Variants in ADIPOR1 observed in about 807,000 individuals in gnomAD.
The protein encoded by ADIPOR1 is adiponectin receptor protein 1.
ADIPOR1 carries 15 observed loss-of-function variants against 37.5 expected under a neutral mutation model. That is an observed-to-expected ratio of 0.40 (90% CI 0.27 to 0.62). The LOEUF is 0.62. Ranked by LOEUF, ADIPOR1 falls within the 20% of genes least tolerant of loss-of-function variation. ADIPOR1 has a pLI of 0.42. For missense variants in ADIPOR1, 286 were observed against 478.0 expected (o/e 0.60, Z 3.75); for synonymous variants, 173 against 173.2 (o/e 1.00, Z 0.01).
intron 1 of ADIPOR1, among the ~76,000 whole-genome samples, chr1:202,953,043 C>T (rs1189078200): frequency 2.6e-5 from 4 of 152,088 alleles, no homozygotes; most frequent in Non-Finnish European, 5.9e-5. Context: ...GACGAGATGC[C>T]AGCACACAGT....
At chr1:202,946,125 C>G (rs1329685777) in intron 4 of ADIPOR1, among the ~76,000 whole-genome samples, 2 of 152,006 alleles carry the variant, frequency 1.3e-5, no homozygotes, top group Admixed American at 6.6e-5. Flanking sequence ...CAAAAAAGAC[C>G]ATTTTTTGAA....
At chr1:202,947,555 G>C (rs16850797) in intron 3 of ADIPOR1, among the ~76,000 whole-genome samples, 5,651 of 151,868 alleles carry the variant, frequency 0.037, 336 homozygotes, top group East Asian at 0.22. Context: ...ACCTCCTTTA[G>C]GCTACTTGAA....
intron 2 of ADIPOR1, among the ~76,000 whole-genome samples, chr1:202,950,496 G>T (rs772005517): frequency 6.6e-6 from 1 of 152,078 alleles, no homozygotes; most frequent in South Asian, 2.1e-4. Flanking sequence ...CATATTAAGA[G>T]TGATGGGAGA....
intron 4 of ADIPOR1, among the ~76,000 whole-genome samples, chr1:202,945,996 C>A (rs542574233): frequency 4.0e-4 from 55 of 138,502 alleles, no homozygotes; most frequent in Middle Eastern, 7.9e-3. Context: ...AACCCCCCCC[C>A]ACCCCTTTGT....
At chr1:202,948,102 TA>T (rs1370006390) in intron 3 of ADIPOR1, among the ~76,000 whole-genome samples, 1 of 152,240 alleles carries the variant, frequency 6.6e-6, no homozygotes, top group Non-Finnish European at 1.5e-5. Flanking sequence ...GTTTTAAGAA[TA>T]TATTTTGAAC....
At chr1:202,941,832 T>A (rs1654101602) in intron 7 of ADIPOR1, 131 bp from the exon 8 acceptor site, 3 of 1,302,150 alleles carry the variant, frequency 2.3e-6, no homozygotes, top group Non-Finnish European at 3.1e-6. Flanking sequence ...AAGTGGTATA[T>A]TTAGAAAGTT....
At chr1:202,948,113 C>A (rs1302398922) in intron 3 of ADIPOR1, among the ~76,000 whole-genome samples, 191 bp downstream of exon 3, 1 of 152,144 alleles carries the variant, frequency 6.6e-6, no homozygotes, top group East Asian at 1.9e-4. Context: ...ATATTTTGAA[C>A]AATGCCTCAC....
At chr1:202,953,232 C>T (rs1313257996) in intron 1 of ADIPOR1, among the ~76,000 whole-genome samples, 7 of 85,566 alleles carry the variant, frequency 8.2e-5, no homozygotes, top group Admixed American at 4.6e-4. Context: ...TACTTTATAT[C>T]GCAAGCAAAA....
At chr1:202,944,453 A>G (rs1654225913) in intron 5 of ADIPOR1, 1 of 154,042 alleles carries the variant, frequency 6.5e-6, no homozygotes, top group Non-Finnish European at 1.4e-5. Context: ...CACTGTCGCC[A>G]CCAAAACCAA....
chr1:202,950,322 C>A (rs1248578923), intron 2 of ADIPOR1, among the ~76,000 whole-genome samples: 1 of 151,752 alleles, frequency 6.6e-6, no homozygotes, highest in East Asian at 2.0e-4. Flanking sequence ...ACCTGTAATT[C>A]CAACACTTTG....
intron 4 of ADIPOR1, among the ~76,000 whole-genome samples, chr1:202,945,696 T>A (rs935042329): frequency 3.9e-5 from 6 of 152,198 alleles, no homozygotes; most frequent in African/African-American, 2.4e-5. Context: ...AGGAATGCAA[T>A]AATGTCTTTT....
intron 4 of ADIPOR1, among the ~76,000 whole-genome samples, chr1:202,945,534 A>G (rs1654273159): frequency 6.6e-6 from 1 of 152,244 alleles, no homozygotes; most frequent in South Asian, 2.1e-4. Context: ...AAGGAAAAGC[A>G]GTCATATGAA....
Position 202,948,397 on chromosome 1 carries a change from T to C in ADIPOR1, c.165A>G (p.Pro55=). The change falls in exon 3 of 8, where the codon CCA becomes CCG. Residue 55 remains proline, a synonymous_variant. Transcript: ENST00000340990. ...CCTCCTCCTCTTCTTCCTGGGGCAC[T>C]GGGCATGTTTGCTCTTCTTCAGCCT... ...PPKAEEEQTC[P]VPQEEEEEVR... 6.2e-7 allele frequency: 1 copy of C among 1,613,968 alleles called. No homozygotes were observed. The highest frequency in any genetic ancestry group is 8.5e-7 in the Non-Finnish European group (1 of 1,179,922).
At chr1:202,943,718 T>C in intron 6 of ADIPOR1, 40 bp downstream of exon 6, 1 of 1,598,200 alleles carries the variant, frequency 6.3e-7, no homozygotes, top group Non-Finnish European at 8.5e-7. Flanking sequence ...AGGCCTAAGG[T>C]CTAAATACCT....
In ADIPOR1 at chr1:202,944,977, A is replaced by G. The variant is rs1253562208; in HGVS notation, c.617+6T>C. The G allele has an allele frequency of 1.2e-6, 2 of 1,608,388 alleles. No homozygotes were observed. The highest frequency in any genetic ancestry group is 1.3e-5 in the African/African-American group (1 of 74,412). ...AGTATTTTCCTATGGTGTTCTTTTA[A>G]CTCACTTGGAAAAAGTCCGAGAGAC... On this transcript the variant is annotated splice_donor_region_variant and intron_variant, in intron 5 of 7. Transcript: ENST00000340990.
At chr1:202,950,156 C>A (rs1276625052) in intron 2 of ADIPOR1, among the ~76,000 whole-genome samples, 1 of 151,930 alleles carries the variant, frequency 6.6e-6, no homozygotes, top group East Asian at 2.0e-4. Flanking sequence ...AGAGAGGGGG[C>A]TTCACTATGT....
intron 1 of ADIPOR1, chr1:202,954,105 T>A (rs1654687868): frequency 6.6e-6 from 1 of 152,234 alleles, no homozygotes; most frequent in East Asian, 1.9e-4. Flanking sequence ...AGCTCCTCTA[T>A]CACTAGCTCC....
chr1:202,953,644 T>C lies in ADIPOR1; in HGVS notation c.-94-2480A>G, dbSNP rs151080594. Reference sequence around the variant, plus strand: ...ACACATTCATTGAATATTTAGCAAGTGTATTTAGGACTAGCACCCTAAGGC... The same window carrying C: ...ACACATTCATTGAATATTTAGCAAGCGTATTTAGGACTAGCACCCTAAGGC... On this transcript the variant is annotated intron_variant, in intron 1 of 7. Coordinates refer to ENST00000340990, the MANE Select transcript of ADIPOR1 (RefSeq NM_015999.6). 6.1e-3 allele frequency among the ~76,000 whole-genome samples: 928 copies of C among 152,302 alleles called. 6 individuals carry two copies. The highest frequency in any genetic ancestry group is 6.8e-3 in the Middle Eastern group (2 of 294).
At chr1:202,958,057 C>G (rs1654853474) in intron 1 of ADIPOR1, 128 bp downstream of exon 1, 1 of 152,410 alleles carries the variant, frequency 6.6e-6, no homozygotes, top group Non-Finnish European at 1.5e-5. Context: ...GGCTGGGGCC[C>G]GAGCCCCCTG....
Sources: allele counts gnomAD v4.1 joint callset (sites outside exome capture counted in the v4.1 genomes callset), GRCh38; gene constraint gnomAD v4.1.1; transcripts MANE v1.5; gene names NCBI Gene and HGNC (gene_info 2026-07-23, HGNC 2026-07-21).